SYNE2: variants seen among roughly 807,000 people sequenced by gnomAD.
SYNE2 encodes the protein nesprin-2.
SYNE2 carries 431 observed loss-of-function variants against 856.3 expected under a neutral mutation model. That is an observed-to-expected ratio of 0.50 (90% confidence interval 0.47 to 0.55). The LOEUF (loss-of-function observed/expected upper bound fraction) is 0.55, where lower values mean the gene tolerates loss of function less well. SYNE2 is among the 20% of genes least tolerant of loss of function. The pLI is 0.00. For missense variants in SYNE2, 8,129 were observed against 8,023.2 expected (o/e 1.01, Z -0.50); for synonymous variants, 2,923 against 2,872.3 (o/e 1.02, Z -0.56).
At position 63,807,819 on chromosome 14, in the gene SYNE2, T is replaced by TTATATATATATATATA. The variant is rs71120288; in HGVS notation, c.-304-44651_-304-44636dup. ...ACAGGCATGAACTACTACTCCAGGC[T>TTATATATATATATATA]TATATATATATATATATATATATAT... is the stretch of plus-strand genomic sequence containing the variant. On this transcript the variant is annotated intron_variant, in intron 1 of 23. Transcript: ENST00000674003. 4.8e-3 allele frequency among the ~76,000 whole-genome samples: 121 copies of TTATATATATATATATA among 25,436 alleles called. 8 individuals are homozygous for TTATATATATATATATA. The highest frequency in any genetic ancestry group is 6.6e-3 in the Non-Finnish European group (76 of 11,434). The allele number at this position is 25,436 out of a possible 152,430, so 16.7% of individuals were successfully genotyped here.
At chr14:64,109,002 G>A (rs946344513) in intron 65 of SYNE2, among the ~76,000 whole-genome samples, 2 of 151,888 alleles carry the variant, frequency 1.3e-5, no homozygotes, top group African/African-American at 4.8e-5. Context: ...TAGCCTCCCG[G>A]ATGGCTAGGA....
At chr14:64,138,954 T>C (rs938551435) in intron 79 of SYNE2, among the ~76,000 whole-genome samples, 1 of 108,816 alleles carries the variant, frequency 9.2e-6, no homozygotes, top group Non-Finnish European at 1.9e-5. Context: ...ATGGTGTGTG[T>C]GTGTGTGTGT....
intron 1 of SYNE2, among the ~76,000 whole-genome samples, chr14:63,832,324 G>A (rs1021768401): frequency 7.3e-5 from 11 of 151,538 alleles, no homozygotes; most frequent in Admixed American, 3.3e-4. Context: ...GCAACATAGT[G>A]GAGATGGGGT....
chr14:63,832,372 C>A (rs55909428), intron 1 of SYNE2, among the ~76,000 whole-genome samples: 1 of 151,820 alleles, frequency 6.6e-6, no homozygotes, highest in South Asian at 2.1e-4. Context: ...AACTCCTGGG[C>A]TCAAGTGATC....
In SYNE2 at chr14:64,126,350, T is replaced by C. The variant is rs564024429; in HGVS notation, c.13578T>C (p.Tyr4526=). ...AGGAAAATATGACAGAAGAAGCATA[T>C]ATCAATTTGGATAAAAAATTGTTTG... ...QTQENMTEEA[Y]INLDKKLFEL... The change falls in exon 72 of 116, where the codon TAT becomes TAC. Residue 4526 remains tyrosine (Y), a synonymous_variant. Transcript: ENST00000555002. 14 of 1,614,056 alleles carry C rather than the reference T, an allele frequency of 8.7e-6. No homozygotes were observed. The African/African-American group carries it at 1.1e-4, about 12-fold the overall frequency.
At chr14:64,170,944 TA>T (rs1010282185) in intron 94 of SYNE2, among the ~76,000 whole-genome samples, 1 of 152,150 alleles carries the variant, frequency 6.6e-6, no homozygotes, top group Non-Finnish European at 1.5e-5. Flanking sequence ...TATATATTTT[TA>T]AATAACTTAA....
At chr14:64,042,841 A>G (rs1395359856) in intron 45 of SYNE2, among the ~76,000 whole-genome samples, 1 of 152,170 alleles carries the variant, frequency 6.6e-6, no homozygotes, top group Non-Finnish European at 1.5e-5. Flanking sequence ...AGGTACCAGT[A>G]AAGTGGGGCA....
chr14:64,210,759 G>A (rs1181437491), intron 103 of SYNE2, among the ~76,000 whole-genome samples: 2 of 152,320 alleles, frequency 1.3e-5, no homozygotes, highest in Middle Eastern at 3.4e-3. Context: ...TAATTTCTGC[G>A]TCTGTTCTCA....
chr14:64,180,881 C>G (rs1279691914), intron 96 of SYNE2, among the ~76,000 whole-genome samples: 1 of 152,138 alleles, frequency 6.6e-6, no homozygotes, highest in East Asian at 1.9e-4. Flanking sequence ...ATTTTTGAAG[C>G]TATTGAAAAT....
Position 64,226,162 on chromosome 14 carries a change from G to A in SYNE2, c.*636G>A, listed in dbSNP as rs2140534973. On this transcript the variant is annotated 3_prime_UTR_variant, in exon 116 of 116. Transcript: ENST00000555002. Reference sequence around the variant, plus strand: ...TTTTTTAACAATGCCCAATCTGTATGAATAATGTAAACTTCGATTTTTTTT... The same window carrying A: ...TTTTTTAACAATGCCCAATCTGTATAAATAATGTAAACTTCGATTTTTTTT... 6.5e-6 allele frequency: 1 copy of A among 152,940 alleles called. No individual in the cohort carries two copies. The highest frequency in any genetic ancestry group is 1.9e-4 in the East Asian group (1 of 5,194). The allele number at this position is 152,940 out of a possible 1,614,324, so 9.5% of individuals were successfully genotyped here. A position where few individuals can be genotyped will look rare whatever the true frequency, so the allele number is the denominator to read the frequency against.
chr14:63,838,285 C>T (rs1048773818), intron 1 of SYNE2, among the ~76,000 whole-genome samples: 15 of 151,850 alleles, frequency 9.9e-5, no homozygotes, highest in African/African-American at 3.1e-4. Flanking sequence ...TTGTAGTGAG[C>T]GAGATTATGC....
chr14:63,942,374 C>T (rs896869234), intron 6 of SYNE2, among the ~76,000 whole-genome samples: 5 of 152,170 alleles, frequency 3.3e-5, no homozygotes, highest in East Asian at 1.9e-4. Flanking sequence ...GCTGGAGTGC[C>T]GTGGCGCAGT....
chr14:64,207,319 A>G (rs1206091455), intron 100 of SYNE2, among the ~76,000 whole-genome samples: 1 of 152,208 alleles, frequency 6.6e-6, no homozygotes, highest in Non-Finnish European at 1.5e-5. Context: ...TCACCCCTGT[A>G]ATCCCAGCAC....
Position 63,997,453 on chromosome 14 carries a change from A to G in SYNE2, c.3243+62A>G, listed in dbSNP as rs2096722201. The G allele has an allele frequency of 3.9e-6, 5 of 1,278,256 alleles. No individual in the cohort carries two copies. The Admixed American group carries it at 9.7e-5, about 25-fold the overall frequency. 79.2% of individuals were successfully genotyped at this position (1,278,256 alleles called of 1,614,324 possible). On this transcript the variant is annotated intron_variant, in intron 25 of 115. Transcript: ENST00000555002. ...CAAAGTAAAAGACCAAGTGTACAAT[A>G]ATTCACTTCTCATTAATTAGGTGTT...
intron 1 of SYNE2, chr14:63,808,493 A>T (rs1888476008): frequency 6.5e-6 from 1 of 152,772 alleles, no homozygotes; most frequent in Non-Finnish European, 1.5e-5. Flanking sequence ...TGTCTCAAAA[A>T]CAAACAACCA....
chr14:63,777,614 G>T (rs763041451), intron 1 of SYNE2, among the ~76,000 whole-genome samples: 1 of 152,142 alleles, frequency 6.6e-6, no homozygotes, highest in Non-Finnish European at 1.5e-5. Flanking sequence ...AATTTTCCAC[G>T]TTACAGTTCT....
At chr14:64,125,361 C>A in intron 71 of SYNE2, 151 bp downstream of exon 71, 1 of 1,170,822 alleles carries the variant, frequency 8.5e-7, no homozygotes, top group Non-Finnish European at 1.2e-6. Context: ...ATTGATCTTG[C>A]TTGCCAACTC....
rs571552514 is a variant in SYNE2, at chr14:64,221,552, C to T, written c.20062-24C>T. On this transcript the variant is annotated intron_variant, in intron 111 of 115. Transcript: ENST00000555002. ...CTTCCAGGGCTCTAAGACACGGCCG[C>T]GCTCTGATGTGTTGTTTTTTAAGGA... 226 of 1,614,144 alleles carry T rather than the reference C, an allele frequency of 1.4e-4. 5 individuals are homozygous for T. In the South Asian group the frequency reaches 2.0e-3, roughly 14 times the overall value.
chr14:64,113,713 C>T (rs895584216), intron 66 of SYNE2, 142 bp downstream of exon 66: 42 of 919,466 alleles, frequency 4.6e-5, no homozygotes, highest in Non-Finnish European at 6.8e-5. Context: ...TTTTAGTTCT[C>T]AGGGTAATTC....
Sources: allele counts gnomAD v4.1 joint callset (sites outside exome capture counted in the v4.1 genomes callset), GRCh38; gene constraint gnomAD v4.1.1; transcripts MANE v1.5; gene names NCBI Gene and HGNC (gene_info 2026-07-23, HGNC 2026-07-21).